Variants in DAGLA observed in about 807,000 individuals in gnomAD.
The protein encoded by DAGLA is diacylglycerol lipase-alpha.
Under a neutral mutation model 102.6 loss-of-function variants are expected in DAGLA, and 22 were observed. The observed-to-expected ratio is 0.21, with a 90% CI of 0.15 to 0.31. The LOEUF is 0.31. Among genes scored for constraint, DAGLA ranks in the 10% least tolerant of loss-of-function variants. The pLI is 1.00. For synonymous variants in DAGLA, 578 were observed against 628.9 expected (o/e 0.92, Z 1.21); for missense variants, 927 against 1,446.6 (o/e 0.64, Z 5.83).
At chr11:61,708,711 G>A (rs1209099364) in intron 1 of DAGLA, among the ~76,000 whole-genome samples, 4 of 152,180 alleles carry the variant, frequency 2.6e-5, no homozygotes, top group African/African-American at 9.7e-5. Flanking sequence ...AACTCGCTTT[G>A]TCCTCCCAGC....
intron 5 of DAGLA, among the ~76,000 whole-genome samples, chr11:61,724,809 G>A (rs375401623): frequency 7.2e-5 from 11 of 152,150 alleles, no homozygotes; most frequent in African/African-American, 2.7e-4. Flanking sequence ...GTCCCTTCAT[G>A]CCCCAGAAGG....
At chr11:61,706,906 T>C (rs571963043) in intron 1 of DAGLA, among the ~76,000 whole-genome samples, 1 of 152,386 alleles carries the variant, frequency 6.6e-6, no homozygotes, top group South Asian at 2.1e-4. Flanking sequence ...CAGCCCCAGC[T>C]GGGCATCCCA....
chr11:61,694,973 G>T (rs1362414829), intron 1 of DAGLA, among the ~76,000 whole-genome samples: 1 of 152,198 alleles, frequency 6.6e-6, no homozygotes, highest in African/African-American at 2.4e-5. Flanking sequence ...CAGTGGAGGG[G>T]CTCTGCCTGG....
chr11:61,739,358 C>G (rs1160095807), intron 16 of DAGLA, 107 bp from the exon 17 acceptor site: 11 of 1,139,744 alleles, frequency 9.7e-6, no homozygotes, highest in Non-Finnish European at 1.4e-5. Flanking sequence ...TGCCATCTTA[C>G]TGCCCACCTC....
At chr11:61,727,087 T>C (rs2065334186) in intron 6 of DAGLA, among the ~76,000 whole-genome samples, 1 of 152,188 alleles carries the variant, frequency 6.6e-6, no homozygotes, top group South Asian at 2.1e-4. Flanking sequence ...GGGGAAAAGA[T>C]AGCACATCAC....
At chr11:61,708,111 GATTC>G (rs1179526032) in intron 1 of DAGLA, among the ~76,000 whole-genome samples, 1 of 151,938 alleles carries the variant, frequency 6.6e-6, no homozygotes, top group East Asian at 1.9e-4. Context: ...TGGTTCAAGC[GATTC>G]TCCTGCTTTA....
At position 61,740,339 on chromosome 11, in the gene DAGLA, G is replaced by A. The variant is rs947000878; in HGVS notation, c.1854-124G>A. 17 of 1,314,716 alleles carry A rather than the reference G, an allele frequency of 1.3e-5. No individual in the cohort carries two copies. The African/African-American group carries it at 1.9e-4, about 15-fold the overall frequency. The allele number at this position is 1,314,716 out of a possible 1,614,324, so 81.4% of individuals were successfully genotyped here. A position where few individuals can be genotyped will look rare whatever the true frequency, so the allele number is the denominator to read the frequency against. On this transcript the variant is annotated intron_variant, in intron 17 of 19. Coordinates refer to ENST00000257215, the MANE Select transcript of DAGLA (RefSeq NM_006133.3). The stretch of plus-strand genomic sequence containing the variant: ...GGAACAGAGCCCTGCTGCCAGGCAG[G>A]CCAGGGGCCTCCAAACCATGCCAGC...
chr11:61,707,679 G>A (rs1468366992), intron 1 of DAGLA, among the ~76,000 whole-genome samples: 1 of 152,374 alleles, frequency 6.6e-6, no homozygotes, highest in East Asian at 1.9e-4. Flanking sequence ...AGCAGGCCTC[G>A]CAGGCTGTGG....
At chr11:61,691,946 G>A (rs949509460) in intron 1 of DAGLA, among the ~76,000 whole-genome samples, 2 of 152,198 alleles carry the variant, frequency 1.3e-5, no homozygotes, top group African/African-American at 2.4e-5. Context: ...ACTCAGCATC[G>A]TGCTTCTTTG....
intron 10 of DAGLA, 108 bp downstream of exon 10, chr11:61,735,110 G>A: frequency 1.5e-6 from 2 of 1,335,550 alleles, no homozygotes; most frequent in Non-Finnish European, 2.1e-6. Flanking sequence ...GGCTGGTGCT[G>A]GCTGGCTGCA....
intron 3 of DAGLA, 147 bp downstream of exon 3, chr11:61,721,037 T>G (rs1248847089): frequency 2.6e-6 from 2 of 759,114 alleles, no homozygotes; most frequent in Non-Finnish European, 4.2e-6. Flanking sequence ...GTAGCTTACA[T>G]TCTAGACTAG....
At chr11:61,699,733 C>G (rs1294519479) in intron 1 of DAGLA, among the ~76,000 whole-genome samples, 1 of 152,242 alleles carries the variant, frequency 6.6e-6, no homozygotes, top group Non-Finnish European at 1.5e-5. Context: ...CTGGAAGACC[C>G]TCCAAATACT....
At chr11:61,739,409 C>T in intron 16 of DAGLA, 56 bp from the exon 17 acceptor site, 1 of 1,560,412 alleles carries the variant, frequency 6.4e-7, no homozygotes, top group Non-Finnish European at 8.7e-7. Flanking sequence ...CTGCCCCTGC[C>T]CCCCAGCCAG....
At position 61,684,462 on chromosome 11, in the gene DAGLA, G is replaced by A. The variant is rs560653855; in HGVS notation, c.-45+3958G>A. On this transcript the variant is annotated intron_variant, in intron 1 of 19. Transcript: ENST00000257215. The surrounding 1 kb of genome is among the most constrained non-coding windows in gnomAD (Gnocchi z 4.5). ...GGTCTTTCTGGGTTGGATGGGAAGC[G>A]TGAGTGTGGGTGTGGACGTGGGTTG... is the stretch of plus-strand genomic sequence containing the variant. 6.3e-4 allele frequency among the ~76,000 whole-genome samples: 96 copies of A among 152,264 alleles called. No individual in the cohort carries two copies. Among genetic ancestry groups the A allele is most frequent in the Non-Finnish European group, 8.7e-4 (59 of 68,024 alleles).
At chr11:61,731,580 G>T in intron 9 of DAGLA, 139 bp downstream of exon 9, 1 of 1,205,964 alleles carries the variant, frequency 8.3e-7, no homozygotes, top group Non-Finnish European at 1.2e-6. Context: ...AACCTTTCTA[G>T]TTCTGTGTTA....
chr11:61,730,890 C>A (rs953498300), intron 8 of DAGLA, among the ~76,000 whole-genome samples: 1 of 152,222 alleles, frequency 6.6e-6, no homozygotes, highest in African/African-American at 2.4e-5. Flanking sequence ...CCACACACGC[C>A]GCCCAGCTGG....
At chr11:61,742,174 G>A (rs1417009026) in intron 19 of DAGLA, among the ~76,000 whole-genome samples, 1 of 152,190 alleles carries the variant, frequency 6.6e-6, no homozygotes, top group East Asian at 1.9e-4. Context: ...CAAGCCAGCT[G>A]ACATACACAG....
chr11:61,709,364 C>T (rs2065175315), intron 1 of DAGLA, among the ~76,000 whole-genome samples: 1 of 152,252 alleles, frequency 6.6e-6, no homozygotes, highest in South Asian at 2.1e-4. Context: ...CTGCCATAGC[C>T]TCCCAAGTAG....
intron 1 of DAGLA, among the ~76,000 whole-genome samples, chr11:61,702,985 A>G (rs1396203278): frequency 6.6e-6 from 1 of 152,232 alleles, no homozygotes; most frequent in Non-Finnish European, 1.5e-5. Context: ...TGGGCAGTTC[A>G]GGATAGGGCT....
Sources: allele counts gnomAD v4.1 joint callset (sites outside exome capture counted in the v4.1 genomes callset), GRCh38; gene constraint gnomAD v4.1.1; non-coding constraint Gnocchi (gnomAD v3.1); transcripts MANE v1.5; gene names NCBI Gene and HGNC (gene_info 2026-07-23, HGNC 2026-07-21).